AGFG1: variants seen among roughly 807,000 people sequenced by gnomAD.
The protein encoded by AGFG1 is ArfGAP with FG repeats 1.
In AGFG1, 10 loss-of-function variants were observed where a neutral mutation model predicts 60.6. The ratio of observed to expected loss-of-function variants is 0.16; its 90% CI spans 0.10 to 0.28. The LOEUF is 0.28. Among genes scored for constraint, AGFG1 ranks in the 10% least tolerant of loss-of-function variants. The probability of loss-of-function intolerance (pLI) is 1.00; values close to 1 mark genes in which losing one functional copy is unlikely to be tolerated. For missense variants in AGFG1, 537 were observed against 676.5 expected (o/e 0.79, Z 2.29); for synonymous variants, 247 against 242.9 (o/e 1.02, Z -0.16).
intron 10 of AGFG1, among the ~76,000 whole-genome samples, chr2:227,550,774 T>C (rs1443761938): frequency 6.6e-6 from 1 of 152,240 alleles, no homozygotes; most frequent in Non-Finnish European, 1.5e-5. Flanking sequence ...ACATTCCGTG[T>C]AATATTTTTT....
rs1410756345 is a variant in AGFG1, at chr2:227,472,356, G to T, written c.-66G>T. 11 of 1,001,808 alleles carry T rather than the reference G, an allele frequency of 1.1e-5. No homozygotes were observed. Among genetic ancestry groups the T allele is most frequent in the East Asian group, 8.1e-5 (1 of 12,290 alleles). The allele number at this position is 1,001,808 out of a possible 1,614,324, so 62.1% of individuals were successfully genotyped here. On this transcript the variant is annotated 5_prime_UTR_variant, in exon 1 of 13. Transcript: ENST00000310078. Reference sequence around the variant, plus strand: ...CGCGGCCAGGGCGGCCCGTGGGACCGCGGGCCCCCGGCGCAGCGCTGCCCG... The same window carrying T: ...CGCGGCCAGGGCGGCCCGTGGGACCTCGGGCCCCCGGCGCAGCGCTGCCCG...
intron 5 of AGFG1, among the ~76,000 whole-genome samples, chr2:227,529,101 T>C (rs1692084216): frequency 1.3e-5 from 2 of 152,186 alleles, no homozygotes; most frequent in South Asian, 4.1e-4. Flanking sequence ...GAATAAAATG[T>C]ATATGCCTGT....
intron 1 of AGFG1, among the ~76,000 whole-genome samples, chr2:227,481,917 G>GCCC (rs1690479096): frequency 6.9e-6 from 1 of 145,398 alleles, no homozygotes; most frequent in African/African-American, 2.6e-5. Flanking sequence ...CCAGGTTGGA[G>GCCC]TGCAGGGGCG....
rs539253355 is a variant in AGFG1, at chr2:227,516,798, T to C, written c.262-3150T>C. ...TGATTTTAGTTTTAAAAGTGGTATG[T>C]GGCAGAGGTTTTGGAATATAGTAAA... On this transcript the variant is annotated intron_variant, in intron 2 of 12. Coordinates refer to ENST00000310078, the MANE Select transcript of AGFG1 (RefSeq NM_004504.5). Among the ~76,000 whole-genome samples, 195 of 152,326 alleles carry C rather than the reference T, an allele frequency of 1.3e-3. 2 individuals are homozygous for C. The highest frequency in any genetic ancestry group is 4.3e-3 in the African/African-American group (179 of 41,568).
At chr2:227,503,877 T>G (rs1332833614) in intron 2 of AGFG1, among the ~76,000 whole-genome samples, 1 of 152,238 alleles carries the variant, frequency 6.6e-6, no homozygotes, top group African/African-American at 2.4e-5. Flanking sequence ...GGATCTATAA[T>G]TACTTTGCTC....
chr2:227,524,323 G>GT (rs1691919277), intron 4 of AGFG1, among the ~76,000 whole-genome samples: 1 of 152,234 alleles, frequency 6.6e-6, no homozygotes, highest in African/African-American at 2.4e-5. Context: ...TTTAGTAGTA[G>GT]AGTTTTCCCA....
intron 10 of AGFG1, among the ~76,000 whole-genome samples, chr2:227,542,620 C>T (rs1692524868): frequency 1.3e-5 from 2 of 152,124 alleles, no homozygotes; most frequent in Admixed American, 1.3e-4. Context: ...CTAAAATTCT[C>T]TTTTTTTGTT....
At chr2:227,473,943 A>C (rs563705886) in intron 1 of AGFG1, among the ~76,000 whole-genome samples, 1 of 152,256 alleles carries the variant, frequency 6.6e-6, no homozygotes, top group Non-Finnish European at 1.5e-5. Context: ...CTTGGTTCTT[A>C]CAGTCCAGTG....
intron 1 of AGFG1, among the ~76,000 whole-genome samples, chr2:227,481,959 G>T (rs143239804): frequency 6.7e-6 from 1 of 149,012 alleles, no homozygotes; most frequent in East Asian, 2.0e-4. Flanking sequence ...TCTGCCTCCC[G>T]GGTTCACGCC....
chr2:227,502,444 C>A (rs970687822), intron 2 of AGFG1, among the ~76,000 whole-genome samples: 5 of 152,072 alleles, frequency 3.3e-5, no homozygotes, highest in African/African-American at 1.2e-4. Flanking sequence ...CCCCAGCCTC[C>A]CGAGTAGCTA....
At chr2:227,503,239 TA>T (rs764673226) in intron 2 of AGFG1, among the ~76,000 whole-genome samples, 15,879 of 133,402 alleles carry the variant, frequency 0.12, 1,014 homozygotes, top group African/African-American at 0.21. Context: ...TTGTCTCAAT[TA>T]AAAAAAAAAA....
chr2:227,476,860 T>C (rs1276295190), intron 1 of AGFG1, among the ~76,000 whole-genome samples: 1 of 151,994 alleles, frequency 6.6e-6, no homozygotes, highest in East Asian at 1.9e-4. Context: ...CAGTTAAGTA[T>C]TTAGAGTAAG....
chr2:227,544,497 CATT>C (rs1329992021), intron 10 of AGFG1, among the ~76,000 whole-genome samples: 1 of 152,148 alleles, frequency 6.6e-6, no homozygotes, highest in African/African-American at 2.4e-5. Context: ...TTGATCCTGT[CATT>C]ATGATGTTAG....
chr2:227,515,179 G>T (rs983913906), intron 2 of AGFG1, among the ~76,000 whole-genome samples: 1 of 151,990 alleles, frequency 6.6e-6, no homozygotes, highest in Non-Finnish European at 1.5e-5. Context: ...TTTGGGCCTC[G>T]CAAAGTGCTG....
intron 2 of AGFG1, among the ~76,000 whole-genome samples, chr2:227,510,305 G>A (rs557130390): frequency 6.6e-6 from 1 of 152,138 alleles, no homozygotes; most frequent in South Asian, 2.1e-4. Flanking sequence ...TACCAGGAAT[G>A]GACACCTAAC....
chr2:227,535,353 T>C (rs1287338076), intron 8 of AGFG1, among the ~76,000 whole-genome samples: 1 of 152,216 alleles, frequency 6.6e-6, no homozygotes, highest in Admixed American at 6.5e-5. Context: ...TAATATACTT[T>C]AAAAATAGTT....
intron 5 of AGFG1, among the ~76,000 whole-genome samples, chr2:227,530,632 A>G (rs577921724): frequency 3.2e-4 from 48 of 151,222 alleles, no homozygotes; most frequent in Admixed American, 2.6e-4. Flanking sequence ...AAAAAGCTCT[A>G]TTAATTAAAC....
At position 227,556,518 on chromosome 2, in the gene AGFG1, G is replaced by T. The variant is rs185487591; in HGVS notation, c.*2023G>T. ...GACTTCCTCAGCCCTTTTCATTGAG[G>T]GAAAATATATTTGAATTTCTGTTTT... On this transcript the variant is annotated 3_prime_UTR_variant, in exon 13 of 13. Coordinates refer to ENST00000310078, the MANE Select transcript of AGFG1 (RefSeq NM_004504.5). The T allele has an allele frequency of 9.2e-5, 14 of 152,610 alleles. No homozygotes were observed. Among genetic ancestry groups the T allele is most frequent in the Admixed American group, 4.6e-4 (7 of 15,284 alleles). 9.5% of individuals were successfully genotyped at this position (152,610 alleles called of 1,614,324 possible).
In AGFG1 at chr2:227,472,407, C is replaced by T. The variant is rs1289298843; in HGVS notation, c.-15C>T. On this transcript the variant is annotated 5_prime_UTR_variant, in exon 1 of 13. Coordinates refer to ENST00000310078, the MANE Select transcript of AGFG1 (RefSeq NM_004504.5). ...GCTCCCGGCCCTGCCGGCCTCCTCC[C>T]TTGGCGCCGCGGCCATGGCGGCCAG... 2.8e-6 allele frequency: 4 copies of T among 1,453,768 alleles called. No individual in the cohort carries two copies. Among genetic ancestry groups the T allele is most frequent in the East Asian group, 3.2e-5 (1 of 31,256 alleles). The allele number at this position is 1,453,768 out of a possible 1,614,324, so 90.1% of individuals were successfully genotyped here. A position where few individuals can be genotyped will look rare whatever the true frequency, so the allele number is the denominator to read the frequency against.
Sources: allele counts gnomAD v4.1 joint callset (sites outside exome capture counted in the v4.1 genomes callset), GRCh38; gene constraint gnomAD v4.1.1; transcripts MANE v1.5; gene names NCBI Gene and HGNC (gene_info 2026-07-23, HGNC 2026-07-21).